Variants in PTPRN2 observed in about 807,000 individuals in gnomAD.
PTPRN2 encodes protein tyrosine phosphatase receptor type N2.
PTPRN2 carries 74 observed loss-of-function variants against 118.8 expected under a neutral mutation model. That is an observed-to-expected ratio of 0.62 (90% CI 0.52 to 0.76). The LOEUF (loss-of-function observed/expected upper bound fraction) is 0.76, where lower values mean the gene tolerates loss of function less well. Among genes scored for constraint, PTPRN2 ranks in the 30% least tolerant of loss-of-function variants. PTPRN2 has a pLI of 0.00. For synonymous variants in PTPRN2, 641 were observed against 608.0 expected, an observed-to-expected ratio of 1.05 and a Z score of -0.80; for missense variants, 1,481 against 1,394.4, an observed-to-expected ratio of 1.06 and a Z score of -0.99.
At chr7:158,081,275 C>CGT (rs745942305) in intron 11 of PTPRN2, 23 bp downstream of exon 11, 3 of 1,599,324 alleles carry the variant, frequency 1.9e-6, no homozygotes, top group Non-Finnish European at 2.6e-6. Flanking sequence ...TGTGCGTGTA[C>CGT]GTGTGTGTGG....
Position 158,570,654 on chromosome 7 carries a change from T to C in PTPRN2, c.112+16904A>G, listed in dbSNP as rs1827970597. Among the ~76,000 whole-genome samples, 1 of 152,170 alleles carries C rather than the reference T, an allele frequency of 6.6e-6. No individual in the cohort carries two copies. The highest frequency in any genetic ancestry group is 1.5e-5 in the Non-Finnish European group (1 of 68,030). On this transcript the variant is annotated intron_variant, in intron 1 of 22. Coordinates refer to ENST00000389418, the MANE Select transcript of PTPRN2 (RefSeq NM_002847.5). This position sits in a 1 kb window ranked among gnomAD's most constrained non-coding sequence, Gnocchi z 4.5. ...GTGTCACCCGGCTTGCTGCGGCGTG[T>C]CTCCGCCGTAACACGTGTATACCGG...
At chr7:158,311,213 G>A (rs536667941) in intron 3 of PTPRN2, among the ~76,000 whole-genome samples, 1 of 152,322 alleles carries the variant, frequency 6.6e-6, no homozygotes, top group South Asian at 2.1e-4. Context: ...CGTGCGGCCA[G>A]CCTTGGATTT....
intron 2 of PTPRN2, among the ~76,000 whole-genome samples, chr7:158,422,671 G>A (rs1815353639): frequency 6.6e-6 from 1 of 150,994 alleles, no homozygotes; most frequent in Admixed American, 6.6e-5. Flanking sequence ...GTCACACCCA[G>A]GCTGACGCTG....
At chr7:158,041,469 T>C (rs754232953) in intron 11 of PTPRN2, among the ~76,000 whole-genome samples, 1 of 151,948 alleles carries the variant, frequency 6.6e-6, no homozygotes, top group Admixed American at 6.6e-5. Flanking sequence ...GAAACCCTGT[T>C]TCCACTAAAA....
rs1288049588 is a variant in PTPRN2 at position 158,509,727 on chromosome 7, C to A, written c.113-19942G>T. Among the ~76,000 whole-genome samples, 2 of 152,346 alleles carry A rather than the reference C, an allele frequency of 1.3e-5. No homozygotes were observed. Among genetic ancestry groups the A allele is most frequent in the African/African-American group, 4.8e-5 (2 of 41,576 alleles). On this transcript the variant is annotated intron_variant, in intron 1 of 22. Transcript: ENST00000389418. This position sits in a 1 kb window ranked among gnomAD's most constrained non-coding sequence, Gnocchi z 4.4. ...CCCACAGGCAGGTGGCCCAGGGGAG[C>A]AGGGCCTGTCCTTTGCCCAGGCCTG...
intron 6 of PTPRN2, among the ~76,000 whole-genome samples, chr7:158,158,373 C>T (rs1259059906): frequency 6.6e-6 from 1 of 152,264 alleles, no homozygotes; most frequent in Non-Finnish European, 1.5e-5. Context: ...CCACCACCAA[C>T]ACGACAAGGA....
At chr7:157,667,997 C>A (rs1338917189) in intron 13 of PTPRN2, among the ~76,000 whole-genome samples, 2 of 152,246 alleles carry the variant, frequency 1.3e-5, no homozygotes, top group Non-Finnish European at 2.9e-5. Context: ...AGCCCCCACC[C>A]TGAAAGCTTC....
At chr7:158,300,064 C>T (rs1338303607) in intron 3 of PTPRN2, among the ~76,000 whole-genome samples, 1 of 152,128 alleles carries the variant, frequency 6.6e-6, no homozygotes, top group Admixed American at 6.5e-5. Context: ...TATTTGTTTA[C>T]TTTGTAGAAA....
Position 157,621,378 on chromosome 7 carries a change from G to GGAGC in PTPRN2, c.2324_2327dup (p.Ala778ProfsTer7). ...GGTACGTACAGGTCAGCACGGCCAG[G>GGAGC]GAGCGGTTCTTGGGCACGTTCTCCT... On this transcript the variant is annotated frameshift_variant, in exon 15 of 23. Transcript: ENST00000389418. LOFTEE classifies it high-confidence loss of function. The GGAGC allele has an allele frequency of 1.3e-6, 2 of 1,525,394 alleles. No individual in the cohort carries two copies. The highest frequency in any genetic ancestry group is 1.8e-6 in the Non-Finnish European group (2 of 1,115,440). 94.5% of individuals were successfully genotyped at this position (1,525,394 alleles called of 1,614,324 possible).
At position 158,319,396 on chromosome 7, in the gene PTPRN2, T is replaced by TCCCACACACACAGCCTCCC. The variant is rs1802621597; in HGVS notation, c.164-2465_164-2464insGGGAGGCTGTGTGTGTGGG. On this transcript the variant is annotated intron_variant, in intron 2 of 22. Coordinates refer to ENST00000389418, the MANE Select transcript of PTPRN2 (RefSeq NM_002847.5). ...CACACATGCACACACACACACAGCC[T>TCCCACACACACAGCCTCCC]CCCACACACACACACAGCCTCCCAC... 8.5e-4 allele frequency among the ~76,000 whole-genome samples: 36 copies of TCCCACACACACAGCCTCCC among 42,158 alleles called. 5 individuals are homozygous for TCCCACACACACAGCCTCCC. The highest frequency in any genetic ancestry group is 2.2e-3 in the Non-Finnish European group (31 of 14,008). The allele number at this position is 42,158 out of a possible 152,430, so 27.7% of individuals were successfully genotyped here.
At chr7:158,247,462 C>T (rs189967312) in intron 3 of PTPRN2, among the ~76,000 whole-genome samples, 4,875 of 152,248 alleles carry the variant, frequency 0.032, 275 homozygotes, top group African/African-American at 0.11. Flanking sequence ...TTCTTCACGG[C>T]GCCCCTGCTT....
rs559391553 is a variant in PTPRN2 at position 157,567,712 on chromosome 7, G to A, written c.2902+1190C>T. 6.6e-5 allele frequency among the ~76,000 whole-genome samples: 10 copies of A among 152,172 alleles called. No homozygotes were observed. In the South Asian group the frequency reaches 1.7e-3, roughly 25 times the overall value. On this transcript the variant is annotated intron_variant, in intron 21 of 22. Transcript: ENST00000389418. ...GAGGTCTCTGTATGAACACATATAC[G>A]TGTGTGTGTGTTGAGACAAAGGGAA...
chr7:158,242,428 G>A (rs967132503), intron 3 of PTPRN2, among the ~76,000 whole-genome samples: 5 of 152,190 alleles, frequency 3.3e-5, no homozygotes, highest in Admixed American at 3.3e-4. Flanking sequence ...AGTGAGGGAG[G>A]GAATTCACAA....
At chr7:158,432,715 C>T (rs946411756) in intron 2 of PTPRN2, among the ~76,000 whole-genome samples, 1 of 152,190 alleles carries the variant, frequency 6.6e-6, no homozygotes. Context: ...TGCCTGAAGA[C>T]GCAGCCTGGC....
At chr7:158,326,652 G>GTT (rs1364026721) in intron 2 of PTPRN2, among the ~76,000 whole-genome samples, 43 of 23,516 alleles carry the variant, frequency 1.8e-3, no homozygotes, top group Non-Finnish European at 4.2e-3. Context: ...TTTCACACAT[G>GTT]CTCACACTCT....
intron 3 of PTPRN2, among the ~76,000 whole-genome samples, chr7:158,271,059 GGCCA>G (rs1798468125): frequency 1.5e-5 from 2 of 132,924 alleles, no homozygotes; most frequent in Admixed American, 7.5e-5. Flanking sequence ...CCCCAACCTG[GGCCA>G]CCCCCTCCAC....
At chr7:158,270,843 A>C (rs1479441700) in intron 3 of PTPRN2, among the ~76,000 whole-genome samples, 1 of 2,188 alleles carries the variant, frequency 4.6e-4, no homozygotes, top group Non-Finnish European at 8.7e-4. Context: ...TGACCCCCTC[A>C]CCTGGACCGC....
At position 158,527,002 on chromosome 7, in the gene PTPRN2, A is replaced by G. The variant is rs191652605; in HGVS notation, c.113-37217T>C. On this transcript the variant is annotated intron_variant, in intron 1 of 22. Transcript: ENST00000389418. ...CTCCTCAAACCTTCATAAAGGCATA[A>G]CTTGTAACAACACAAGTTATGGTTT... Among the ~76,000 whole-genome samples, 26 of 152,288 alleles carry G rather than the reference A, an allele frequency of 1.7e-4. No homozygotes were observed. In the Middle Eastern group the frequency reaches 0.01, roughly 60 times the overall value.
intron 2 of PTPRN2, among the ~76,000 whole-genome samples, chr7:158,337,390 TAACACCTGCAGACGTCCCTCA>T (rs1563167480): frequency 1.9e-5 from 2 of 104,808 alleles, no homozygotes; most frequent in Admixed American, 9.5e-5. Flanking sequence ...CCATAAGAGG[TAACACCTGCAGACGTCCCTCA>T]CACCCACACT....
Sources: gnomAD v4.1 joint callset for allele counts (sites outside exome capture counted in the v4.1 genomes callset) on GRCh38, gnomAD v4.1.1 for gene constraint, Gnocchi (gnomAD v3.1) non-coding constraint, MANE v1.5 for transcripts, NCBI Gene and HGNC (gene_info 2026-07-23, HGNC 2026-07-21) for gene names.